The following NRG1 variants were observed in gnomAD, a reference collection of about 807,000 sequenced individuals.
NRG1 encodes pro-neuregulin-1, membrane-bound isoform.
In NRG1, 18 loss-of-function variants were observed where a neutral mutation model predicts 63.8. That is an observed-to-expected ratio of 0.28 (90% CI 0.19 to 0.42). The LOEUF is 0.42. Among genes scored for constraint, NRG1 ranks in the 10% least tolerant of loss-of-function variants. NRG1 has a pLI of 1.00. For synonymous variants in NRG1, 302 were observed against 301.3 expected, an observed-to-expected ratio of 1.00 and a Z score of -0.02; for missense variants, 762 against 814.7, an observed-to-expected ratio of 0.94 and a Z score of 0.79.
chr8:32,492,000 T>C lies in NRG1; in HGVS notation c.38-103828T>C, dbSNP rs572741949. ...AAATATGCTATATAACCAAGAAATA[T>C]CAGTATAGAATATCATGTATTCTAC... On this transcript the variant is annotated intron_variant, in intron 1 of 10. Transcript: ENST00000519301. 2.1e-4 allele frequency among the ~76,000 whole-genome samples: 32 copies of C among 152,136 alleles called. No homozygotes were observed. In the South Asian group the frequency reaches 2.3e-3, roughly 11 times the overall value.
intron 1 of NRG1, among the ~76,000 whole-genome samples, chr8:32,156,790 C>T: frequency 6.6e-6 from 1 of 152,120 alleles, no homozygotes; most frequent in South Asian, 2.1e-4. Context: ...TTAAAAATTA[C>T]ACAGGCATGG....
At chr8:32,684,523 GTCA>G (rs1355846158) in intron 5 of NRG1, among the ~76,000 whole-genome samples, 1 of 152,126 alleles carries the variant, frequency 6.6e-6, no homozygotes, top group Non-Finnish European at 1.5e-5. Context: ...GAATTGAGGT[GTCA>G]TCATCTTCCA....
At chr8:32,573,250 A>G (rs1383532185) in intron 1 of NRG1, among the ~76,000 whole-genome samples, 2 of 152,236 alleles carry the variant, frequency 1.3e-5, no homozygotes, top group Non-Finnish European at 2.9e-5. Context: ...ATGTTCCATG[A>G]TGACTTATTG....
intron 1 of NRG1, among the ~76,000 whole-genome samples, chr8:32,385,866 A>G (rs1810954754): frequency 6.6e-6 from 1 of 152,202 alleles, no homozygotes; most frequent in African/African-American, 2.4e-5. Flanking sequence ...TAGCTACTTG[A>G]CACCAATCTT....
At chr8:31,941,122 G>T (rs192448475) in intron 1 of NRG1, among the ~76,000 whole-genome samples, 283 of 152,220 alleles carry the variant, frequency 1.9e-3, no homozygotes, top group Non-Finnish European at 3.4e-3. Flanking sequence ...CAGTATCCCT[G>T]ATGAACATAG....
intron 1 of NRG1, among the ~76,000 whole-genome samples, chr8:32,496,739 G>A (rs2129495695): frequency 6.6e-6 from 1 of 152,058 alleles, no homozygotes; most frequent in African/African-American, 2.4e-5. Flanking sequence ...AGGTCCCAAT[G>A]GCTTCATTAT....
At chr8:32,327,068 G>A (rs1290980453) in intron 1 of NRG1, among the ~76,000 whole-genome samples, 1 of 152,138 alleles carries the variant, frequency 6.6e-6, no homozygotes, top group Admixed American at 6.5e-5. Context: ...CCCTGTGCTG[G>A]ACCGAAATGT....
At chr8:32,363,741 CA>C (rs1442198203) in intron 1 of NRG1, among the ~76,000 whole-genome samples, 2 of 151,908 alleles carry the variant, frequency 1.3e-5, no homozygotes, top group Admixed American at 1.3e-4. Context: ...TTAAAAACAA[CA>C]AATGGGCCCT....
At chr8:32,608,317 C>A (rs1444577849) in intron 3 of NRG1, among the ~76,000 whole-genome samples, 2 of 151,072 alleles carry the variant, frequency 1.3e-5, no homozygotes, top group Non-Finnish European at 3.0e-5. Context: ...TAGCCAGGTG[C>A]ATGCCATTAC....
At chr8:31,875,102 C>T (rs1436521221) in intron 1 of NRG1, among the ~76,000 whole-genome samples, 1 of 152,124 alleles carries the variant, frequency 6.6e-6, no homozygotes, top group Non-Finnish European at 1.5e-5. Flanking sequence ...CTGCCTTTCC[C>T]CTAATTTCTG....
At chr8:32,510,954 C>T (rs1242180295) in intron 1 of NRG1, among the ~76,000 whole-genome samples, 9 of 126,644 alleles carry the variant, frequency 7.1e-5, no homozygotes, top group Non-Finnish European at 1.5e-4. Flanking sequence ...TTCTTTCTTT[C>T]CTTTTTTTTT....
intron 1 of NRG1, among the ~76,000 whole-genome samples, chr8:31,755,170 G>A (rs16878253): frequency 0.22 from 32,698 of 152,064 alleles, 4,723 homozygotes; most frequent in East Asian, 0.66. Context: ...ATTTCCTCCA[G>A]AGGCTGCACA....
intron 1 of NRG1, among the ~76,000 whole-genome samples, chr8:32,579,453 C>A (rs771187806): frequency 1.3e-5 from 2 of 152,090 alleles, no homozygotes; most frequent in African/African-American, 4.8e-5. Flanking sequence ...CTGTTGAGGT[C>A]AGCCTCTGGG....
At chr8:32,656,124 ATG>A (rs773026229) in intron 5 of NRG1, among the ~76,000 whole-genome samples, 19 of 152,284 alleles carry the variant, frequency 1.2e-4, no homozygotes, top group Non-Finnish European at 2.4e-4. Flanking sequence ...TACTACATCT[ATG>A]TGTATCTATG....
In NRG1 at chr8:31,696,671, T is replaced by C. The variant is rs1305966850; in HGVS notation, c.37+57240T>C. Among the ~76,000 whole-genome samples, 5 of 152,260 alleles carry C rather than the reference T, an allele frequency of 3.3e-5. No individual in the cohort carries two copies. In the East Asian group the frequency reaches 5.8e-4, roughly 18 times the overall value. ...CCTTCCTTTTACAGATGAGCAAACT[T>C]GTGTTCTTGTAGGTCTGTGTCAAGT... On this transcript the variant is annotated intron_variant, in intron 1 of 10. Transcript: ENST00000519301.
At chr8:32,280,283 A>C (rs1444122219) in intron 1 of NRG1, among the ~76,000 whole-genome samples, 1 of 152,232 alleles carries the variant, frequency 6.6e-6, no homozygotes, top group African/African-American at 2.4e-5. Flanking sequence ...TTTCTAAAGG[A>C]GTTTTTCCAC....
chr8:32,352,326 G>T (rs1805709857), intron 1 of NRG1, among the ~76,000 whole-genome samples: 1 of 152,002 alleles, frequency 6.6e-6, no homozygotes, highest in African/African-American at 2.4e-5. Flanking sequence ...AACTTCAGAT[G>T]TTAAAGAAGT....
At chr8:31,745,491 A>G (rs1815756977) in intron 1 of NRG1, among the ~76,000 whole-genome samples, 1 of 151,984 alleles carries the variant, frequency 6.6e-6, no homozygotes, top group South Asian at 2.1e-4. Context: ...TAGGACTTAG[A>G]AGAGACATCT....
At chr8:32,126,224 T>G (rs896754933) in intron 1 of NRG1, among the ~76,000 whole-genome samples, 1 of 151,878 alleles carries the variant, frequency 6.6e-6, no homozygotes, top group African/African-American at 2.4e-5. Context: ...AATGAATTAG[T>G]ACCCCACTTC....
Sources: gnomAD v4.1 joint callset for allele counts (sites outside exome capture counted in the v4.1 genomes callset) on GRCh38, gnomAD v4.1.1 for gene constraint, MANE v1.5 for transcripts, NCBI Gene and HGNC (gene_info 2026-07-23, HGNC 2026-07-21) for gene names.